The following CSMD1 variants were observed in gnomAD, a reference collection of about 807,000 sequenced individuals.
The protein encoded by CSMD1 is CUB and Sushi multiple domains 1.
In CSMD1, 213 loss-of-function variants were observed where a neutral mutation model predicts 417.5. That is an observed-to-expected ratio of 0.51 (90% confidence interval 0.46 to 0.57). The LOEUF (loss-of-function observed/expected upper bound fraction) is 0.57. CSMD1 is among the 20% of genes least tolerant of loss of function. CSMD1 has a pLI of 0.00. For synonymous variants in CSMD1, 2,862 were observed against 1,736.8 expected (o/e 1.65, Z -16.11); for missense variants, 6,923 against 4,529.7 (o/e 1.53, Z -15.17).
intron 7 of CSMD1, among the ~76,000 whole-genome samples, chr8:3,637,781 C>A (rs1330930183): frequency 6.6e-6 from 1 of 152,134 alleles, no homozygotes; most frequent in Non-Finnish European, 1.5e-5. Context: ...ATAATTCCCA[C>A]ATCTTGGGAG....
intron 1 of CSMD1, among the ~76,000 whole-genome samples, chr8:4,676,689 G>T (rs368054859): frequency 6.6e-6 from 1 of 151,922 alleles, no homozygotes; most frequent in South Asian, 2.1e-4. Context: ...CCTATGTAGC[G>T]TATCAATGTC....
intron 25 of CSMD1, among the ~76,000 whole-genome samples, chr8:3,289,672 T>G (rs1803407210): frequency 7.2e-6 from 1 of 139,728 alleles, no homozygotes; most frequent in Non-Finnish European, 1.5e-5. Flanking sequence ...TTGATGGGGT[T>G]GTTTGTTTTT....
At chr8:3,507,163 G>A (rs1280039870) in intron 10 of CSMD1, among the ~76,000 whole-genome samples, 1 of 152,160 alleles carries the variant, frequency 6.6e-6, no homozygotes, top group African/African-American at 2.4e-5. Context: ...GGTGATTTAA[G>A]TGGTTTAGAG....
At chr8:3,720,746 G>A (rs1367898427) in intron 6 of CSMD1, among the ~76,000 whole-genome samples, 5 of 152,088 alleles carry the variant, frequency 3.3e-5, no homozygotes, top group African/African-American at 1.2e-4. Context: ...TCATTTTACA[G>A]AGCAAAGCTG....
chr8:4,329,075 G>A (rs1390136233), intron 3 of CSMD1, among the ~76,000 whole-genome samples: 2 of 152,072 alleles, frequency 1.3e-5, no homozygotes, highest in African/African-American at 2.4e-5. Context: ...AATAAAAATT[G>A]CACAACAAAT....
rs780681041 is a variant in CSMD1, at chr8:3,284,281, A to G, written c.4016T>C (p.Val1339Ala). Reference sequence around the variant, plus strand: ...CTCCTTCAGCAGGATGTCACTGTCCACCGGCCCGTCCCAGACCTTGAGGAT... The same window carrying G: ...CTCCTTCAGCAGGATGTCACTGTCCGCCGGCCCGTCCCAGACCTTGAGGAT... The part of the protein sequence containing the change: ...HDILKVWDGP[V>A]DSDILLKEWS... Residue 1339 changes from valine to alanine, a missense_variant, in exon 26 of 70, where the codon GTG (valine) becomes GCG (alanine). Val to Ala is a moderately conservative substitution (Grantham distance 64). Transcript: ENST00000635120. The G allele has an allele frequency of 1.2e-5, 19 of 1,613,816 alleles. No homozygotes were observed. In the East Asian group the frequency reaches 2.2e-4, roughly 19 times the overall value.
chr8:4,257,599 G>A (rs914592985), intron 3 of CSMD1, among the ~76,000 whole-genome samples: 2 of 152,134 alleles, frequency 1.3e-5, no homozygotes, highest in Non-Finnish European at 2.9e-5. Context: ...CTGCGGGATA[G>A]GAAAATTTGG....
intron 41 of CSMD1, among the ~76,000 whole-genome samples, chr8:3,120,665 G>C (rs1452908351): frequency 1.3e-5 from 2 of 151,180 alleles, no homozygotes; most frequent in Non-Finnish European, 2.9e-5. Flanking sequence ...TGAACAACAT[G>C]GTGAAACCCT....
chr8:4,047,832 T>A lies in CSMD1; in HGVS notation c.416-15733A>T, dbSNP rs1008453008. On this transcript the variant is annotated intron_variant, in intron 3 of 69. Coordinates refer to ENST00000635120, the MANE Select transcript of CSMD1 (RefSeq NM_033225.6). ...GAAACACCTCAATAAGAAAGTGGCATTGAAAAAAAATATGAAGTAGAGGAT... is the reference window on the plus strand; with the variant it reads ...GAAACACCTCAATAAGAAAGTGGCAATGAAAAAAAATATGAAGTAGAGGAT... 2.0e-5 allele frequency among the ~76,000 whole-genome samples: 3 copies of A among 152,164 alleles called. No homozygotes were observed. The East Asian group carries it at 5.8e-4, about 29-fold the overall frequency.
At position 4,247,104 on chromosome 8, in the gene CSMD1, A is replaced by T. The variant is rs1802761526; in HGVS notation, c.415+172849T>A. ...CATGGGTTGTACGGTCTAGTGAAGAAAACGCCAATAAAAGGAAAGGAAATC... is the reference window on the plus strand; with the variant it reads ...CATGGGTTGTACGGTCTAGTGAAGATAACGCCAATAAAAGGAAAGGAAATC... On this transcript the variant is annotated intron_variant, in intron 3 of 69. Transcript: ENST00000635120. Among the ~76,000 whole-genome samples the T allele has an allele frequency of 2.6e-5, 4 of 152,344 alleles. No homozygotes were observed. The Middle Eastern group carries it at 0.01, about 389-fold the overall frequency.
chr8:3,632,519 G>C (rs552108843), intron 7 of CSMD1, among the ~76,000 whole-genome samples: 1 of 152,182 alleles, frequency 6.6e-6, no homozygotes, highest in Non-Finnish European at 1.5e-5. Flanking sequence ...GGGCGTTGAA[G>C]ATGAGTATTG....
At chr8:3,263,632 G>C (rs953396649) in intron 26 of CSMD1, among the ~76,000 whole-genome samples, 3 of 152,132 alleles carry the variant, frequency 2.0e-5, no homozygotes, top group Non-Finnish European at 4.4e-5. Flanking sequence ...TTGAGAGATT[G>C]ATAACATATA....
At position 3,814,355 on chromosome 8, in the gene CSMD1, A is replaced by G. The variant is rs540889086; in HGVS notation, c.819-60313T>C. On this transcript the variant is annotated intron_variant, in intron 5 of 69. Transcript: ENST00000635120. Reference sequence around the variant, plus strand: ...AGTTATCTGACCAAGGACATCTTTGACTCTAGATGGCTTTACCTCTTATAC... The same window carrying G: ...AGTTATCTGACCAAGGACATCTTTGGCTCTAGATGGCTTTACCTCTTATAC... Among the ~76,000 whole-genome samples the G allele has an allele frequency of 4.6e-5, 7 of 152,128 alleles. No homozygotes were observed. The East Asian group carries it at 1.4e-3, about 30-fold the overall frequency.
chr8:3,174,082 C>T (rs1820753767), intron 37 of CSMD1, among the ~76,000 whole-genome samples: 1 of 152,196 alleles, frequency 6.6e-6, no homozygotes, highest in Admixed American at 6.5e-5. Flanking sequence ...ATTTTAATGG[C>T]ACATTCATAA....
At chr8:3,616,028 T>C (rs1644954142) in intron 8 of CSMD1, among the ~76,000 whole-genome samples, 1 of 152,218 alleles carries the variant, frequency 6.6e-6, no homozygotes, top group Non-Finnish European at 1.5e-5. Context: ...GAATAAACTT[T>C]ACTGACTGAT....
At chr8:4,712,043 G>A (rs924531880) in intron 1 of CSMD1, among the ~76,000 whole-genome samples, 1 of 152,162 alleles carries the variant, frequency 6.6e-6, no homozygotes, top group Non-Finnish European at 1.5e-5. Context: ...GATTTTCTCA[G>A]GAGAAATCCC....
chr8:3,095,516 G>GT lies in CSMD1; in HGVS notation c.7138+1332dup, dbSNP rs536046440. Among the ~76,000 whole-genome samples the GT allele has an allele frequency of 1.9e-4, 29 of 152,280 alleles. No individual in the cohort carries two copies. In the East Asian group the frequency reaches 5.4e-3, roughly 28 times the overall value. ...GTCCTCTGCTTCTATATACAAAAAT[G>GT]TGAGTTTAATTTCCAATTTATTAAT... is the stretch of plus-strand genomic sequence containing the variant. On this transcript the variant is annotated intron_variant, in intron 47 of 69. Coordinates refer to ENST00000635120, the MANE Select transcript of CSMD1 (RefSeq NM_033225.6).
intron 3 of CSMD1, among the ~76,000 whole-genome samples, chr8:4,330,195 C>G (rs1799787922): frequency 6.6e-6 from 1 of 152,090 alleles, no homozygotes; most frequent in Non-Finnish European, 1.5e-5. Context: ...ATGAAATCCA[C>G]AATTTCTCCA....
chr8:3,104,426 G>C (rs985858773), intron 46 of CSMD1, among the ~76,000 whole-genome samples: 9 of 152,058 alleles, frequency 5.9e-5, no homozygotes, highest in South Asian at 2.1e-4. Flanking sequence ...CACAGCCTAC[G>C]GTCTGCTTAG....
Sources: allele counts gnomAD v4.1 joint callset (sites outside exome capture counted in the v4.1 genomes callset), GRCh38; gene constraint gnomAD v4.1.1; transcripts MANE v1.5; gene names NCBI Gene and HGNC (gene_info 2026-07-23, HGNC 2026-07-21).